CCDC63: variants seen among roughly 807,000 people sequenced by gnomAD.
CCDC63 encodes coiled-coil domain containing 63, also known as coiled-coil domain-containing protein 63.
Under a neutral mutation model 63.6 loss-of-function variants are expected in CCDC63, and 54 were observed. That is an observed-to-expected ratio of 0.85 (90% CI 0.68 to 1.07). CCDC63 has a LOEUF of 1.07. Ranked by LOEUF, CCDC63 falls within the 50% of genes least tolerant of loss-of-function variation. The pLI, the probability that CCDC63 is intolerant of heterozygous loss-of-function variation, is 0.00. For missense variants in CCDC63, 637 were observed against 689.6 expected, an observed-to-expected ratio of 0.92 and a Z score of 0.86; for synonymous variants, 253 against 266.1, an observed-to-expected ratio of 0.95 and a Z score of 0.48.
rs1477880595 is a variant in CCDC63 at position 110,884,052 on chromosome 12, C to T, written c.876C>T (p.Val292=). The change falls in exon 8 of 12, where the codon GTC becomes GTT. Residue 292 remains valine (V), a synonymous_variant. Coordinates refer to ENST00000308208, the MANE Select transcript of CCDC63 (RefSeq NM_152591.3). ...TAGCTCTCAAGGCAAAGAAGCATGT[C>T]AAGAAGAACAGGGGAGAGAGTTTTG... The part of the protein sequence containing the change: ...REEALKAKKH[V]KKNRGESFES... The T allele has an allele frequency of 1.2e-6, 2 of 1,613,912 alleles. No individual in the cohort carries two copies. The highest frequency in any genetic ancestry group is 1.7e-6 in the Non-Finnish European group (2 of 1,179,900).
chr12:110,876,144 A>C (rs2071127122), intron 5 of CCDC63, among the ~76,000 whole-genome samples: 1 of 151,224 alleles, frequency 6.6e-6, no homozygotes. Context: ...CCATCTCTAA[A>C]GGCAATTTTG....
At chr12:110,866,627 G>A (rs1179440979) in intron 4 of CCDC63, among the ~76,000 whole-genome samples, 2 of 151,092 alleles carry the variant, frequency 1.3e-5, no homozygotes, top group Non-Finnish European at 2.9e-5. Flanking sequence ...GGGAGCACAG[G>A]GTTGGGGGTA....
At chr12:110,868,795 G>T (rs1260151851) in intron 4 of CCDC63, among the ~76,000 whole-genome samples, 1 of 147,118 alleles carries the variant, frequency 6.8e-6, no homozygotes, top group South Asian at 2.3e-4. Context: ...GAGGGAGAGG[G>T]AGAGGGAGAG....
chr12:110,903,898 T>G (rs116876453), intron 10 of CCDC63, among the ~76,000 whole-genome samples: 3,610 of 152,234 alleles, frequency 0.024, 58 homozygotes, highest in Non-Finnish European at 0.036. Flanking sequence ...GCTCCCAATT[T>G]TTAGTGTAAC....
In CCDC63 at chr12:110,888,851, T is replaced by TTCCTTCCTTCCC. The variant is rs1260326953; in HGVS notation, c.1075-4215_1075-4214insCCTCCTTCCTTC. 1.3e-3 allele frequency among the ~76,000 whole-genome samples: 108 copies of TTCCTTCCTTCCC among 80,570 alleles called. 3 individuals are homozygous for TTCCTTCCTTCCC. The highest frequency in any genetic ancestry group is 3.0e-3 in the African/African-American group (76 of 25,254). The allele number at this position is 80,570 out of a possible 152,430, so 52.9% of individuals were successfully genotyped here. On this transcript the variant is annotated intron_variant, in intron 8 of 11. Coordinates refer to ENST00000308208, the MANE Select transcript of CCDC63 (RefSeq NM_152591.3). ...CTTCCTTCCTTCCTTCCTTCCTTCC[T>TTCCTTCCTTCCC]TCCTTCCTTCGTTTTTCTTTCTTTT...
intron 8 of CCDC63, among the ~76,000 whole-genome samples, chr12:110,892,719 G>C (rs1393344009): frequency 1.3e-5 from 2 of 152,056 alleles, no homozygotes; most frequent in African/African-American, 4.8e-5. Flanking sequence ...AGGAGGCTGG[G>C]GCAGGAGAAT....
intron 4 of CCDC63, among the ~76,000 whole-genome samples, chr12:110,859,672 A>G (rs2070826649): frequency 2.0e-5 from 3 of 149,346 alleles, no homozygotes; most frequent in African/African-American, 7.3e-5. Context: ...TATGGTAACA[A>G]AAAAAAAAAG....
At chr12:110,868,587 GGC>G (rs1566123011) in intron 4 of CCDC63, among the ~76,000 whole-genome samples, 1 of 151,728 alleles carries the variant, frequency 6.6e-6, no homozygotes, top group African/African-American at 2.4e-5. Context: ...CAGGTGTGGC[GGC>G]GCGTGCCTGC....
At chr12:110,862,884 T>C (rs909972318) in intron 4 of CCDC63, among the ~76,000 whole-genome samples, 4 of 151,912 alleles carry the variant, frequency 2.6e-5, no homozygotes, top group African/African-American at 9.7e-5. Flanking sequence ...GCCTCCTGAG[T>C]AGCTAAGATT....
intron 4 of CCDC63, among the ~76,000 whole-genome samples, chr12:110,860,458 C>A (rs1229322720): frequency 6.6e-6 from 1 of 152,218 alleles, no homozygotes; most frequent in African/African-American, 2.4e-5. Context: ...GCCACCCCTG[C>A]CCGCAACCCC....
At chr12:110,866,530 A>G (rs1384529039) in intron 4 of CCDC63, among the ~76,000 whole-genome samples, 2 of 139,096 alleles carry the variant, frequency 1.4e-5, no homozygotes, top group East Asian at 4.1e-4. Context: ...CTTAACGAGC[A>G]TGCTGCCTTC....
In CCDC63 at chr12:110,873,915, G is replaced by A. The variant is rs149075085; in HGVS notation, c.443G>A (p.Arg148Gln). Residue 148 changes from arginine to glutamine, a missense_variant, in exon 5 of 12, where the codon CGG becomes CAG. By Grantham distance (43) the Arg-to-Gln change is conservative. Coordinates refer to ENST00000308208, the MANE Select transcript of CCDC63 (RefSeq NM_152591.3). ...FAKMQEANNP[R>Q]KLQKQIHILE... The stretch of plus-strand genomic sequence containing the variant: ...AAAATGCAGGAGGCCAATAACCCCC[G>A]GAAACTGCAGAAACAGATTCACATT... 87 of 1,610,262 alleles carry A rather than the reference G, an allele frequency of 5.4e-5. 1 individual carries two copies. The highest frequency in any genetic ancestry group is 3.3e-4 in the South Asian group (30 of 90,674).
At position 110,852,943 on chromosome 12, in the gene CCDC63, G is replaced by A. The variant is rs200086966; in HGVS notation, c.-12G>A. 1.1e-5 allele frequency: 18 copies of A among 1,614,146 alleles called. No homozygotes were observed. The highest frequency in any genetic ancestry group is 1.1e-4 in the East Asian group (5 of 44,874). On this transcript the variant is annotated 5_prime_UTR_variant, in exon 2 of 12. Coordinates refer to ENST00000308208, the MANE Select transcript of CCDC63 (RefSeq NM_152591.3). ...CAGTGTCTGAGTGGAGGCAAAGTGC[G>A]GTTCCTTCAAGATGTCTGTGGTAGG...
intron 4 of CCDC63, among the ~76,000 whole-genome samples, chr12:110,872,093 C>T (rs945284385): frequency 3.9e-5 from 6 of 152,176 alleles, no homozygotes; most frequent in African/African-American, 1.4e-4. Context: ...TATTTTGATA[C>T]GTGAATGTCC....
At chr12:110,858,149 AAAT>A (rs1166791987) in intron 3 of CCDC63, among the ~76,000 whole-genome samples, 330 of 142,606 alleles carry the variant, frequency 2.3e-3, no homozygotes, top group South Asian at 8.0e-3. Flanking sequence ...AAATAAAATA[AAAT>A]AAAATAAAAA....
At chr12:110,873,701 C>T in intron 4 of CCDC63, 141 bp from the exon 5 acceptor site, 3 of 1,060,476 alleles carry the variant, frequency 2.8e-6, no homozygotes, top group Non-Finnish European at 4.0e-6. Flanking sequence ...CAGTTTTTGT[C>T]TGAGCACACT....
chr12:110,897,042 C>T (rs1289008642), intron 9 of CCDC63, among the ~76,000 whole-genome samples: 1 of 152,190 alleles, frequency 6.6e-6, no homozygotes, highest in Non-Finnish European at 1.5e-5. Context: ...GTGTTTTAAA[C>T]TGTGAATGGT....
intron 10 of CCDC63, among the ~76,000 whole-genome samples, chr12:110,902,695 A>T (rs903536615): frequency 6.6e-5 from 10 of 152,048 alleles, no homozygotes; most frequent in African/African-American, 2.4e-4. Flanking sequence ...TATGATAGCA[A>T]ATTTTGGTTG....
At chr12:110,858,110 TATAAAATAAA>T (rs67701132) in intron 3 of CCDC63, among the ~76,000 whole-genome samples, 71,049 of 137,596 alleles carry the variant, frequency 0.52, 19,367 homozygotes, top group East Asian at 0.62. Context: ...TGTCTCAAAA[TATAAAATAAA>T]ATAAAATAAA....
Sources: gnomAD v4.1 joint callset for allele counts (sites outside exome capture counted in the v4.1 genomes callset) on GRCh38, gnomAD v4.1.1 for gene constraint, MANE v1.5 for transcripts, NCBI Gene and HGNC (gene_info 2026-07-23, HGNC 2026-07-21) for gene names.